The following PATJ variants were observed in gnomAD, a reference collection of about 807,000 sequenced individuals.
The protein encoded by PATJ is inaD-like protein.
In PATJ, 190 loss-of-function variants were observed where a neutral mutation model predicts 224.9. That is an observed-to-expected ratio of 0.84 (90% CI 0.75 to 0.95). PATJ has a LOEUF of 0.95. PATJ is among the 40% of genes least tolerant of loss of function. The pLI, the probability that PATJ is intolerant of heterozygous loss-of-function variation, is 0.00. For synonymous variants in PATJ, 769 were observed against 820.3 expected (o/e 0.94, Z 1.07); for missense variants, 2,121 against 2,270.3 (o/e 0.93, Z 1.34).
intron 7 of PATJ, among the ~76,000 whole-genome samples, chr1:61,776,184 C>T (rs1207547336): frequency 6.6e-6 from 1 of 152,228 alleles, no homozygotes; most frequent in African/African-American, 2.4e-5. Context: ...ATCATCATTT[C>T]AGCTCCTAAG....
At chr1:61,749,478 C>T (rs1306678247) in intron 1 of PATJ, among the ~76,000 whole-genome samples, 1 of 152,078 alleles carries the variant, frequency 6.6e-6, no homozygotes, top group Non-Finnish European at 1.5e-5. Context: ...AATCAACTGG[C>T]AAAAAGTTGA....
chr1:61,839,886 A>G (rs1433756717), intron 17 of PATJ, among the ~76,000 whole-genome samples: 7 of 151,988 alleles, frequency 4.6e-5, no homozygotes, highest in Admixed American at 4.6e-4. Flanking sequence ...TCTGAGAGAG[A>G]TAAAAATAGA....
chr1:61,950,058 G>A (rs1181489708), intron 27 of PATJ, among the ~76,000 whole-genome samples: 1 of 152,104 alleles, frequency 6.6e-6, no homozygotes, highest in East Asian at 1.9e-4. Context: ...CAAAACATTA[G>A]CTGGGTGTGG....
chr1:61,959,425 AT>A (rs377016305), intron 27 of PATJ, among the ~76,000 whole-genome samples: 20,894 of 61,044 alleles, frequency 0.34, 2,208 homozygotes, highest in Non-Finnish European at 0.43. Flanking sequence ...TATATAATAT[AT>A]TTTTTTTCTT....
In PATJ at chr1:62,018,061, C is replaced by A; in HGVS notation, c.3959+114C>A. ...GCGAAATCACTGTTCCTTCTAAAAA[C>A]ATATATTCCTTTTGTAACTGTCACT... On this transcript the variant is annotated intron_variant, in intron 29 of 43. Transcript: ENST00000642238. This position sits in a 1 kb window ranked among gnomAD's most constrained non-coding sequence, Gnocchi z 4.2. 1.7e-6 allele frequency: 1 copy of A among 591,342 alleles called. No individual in the cohort carries two copies. Among genetic ancestry groups the A allele is most frequent in the South Asian group, 2.5e-5 (1 of 40,456 alleles). The allele number at this position is 591,342 out of a possible 1,614,324, so 36.6% of individuals were successfully genotyped here. A position where few individuals can be genotyped will look rare whatever the true frequency, so the allele number is the denominator to read the frequency against.
At chr1:61,975,606 G>T (rs1644086108) in intron 27 of PATJ, among the ~76,000 whole-genome samples, 1 of 151,870 alleles carries the variant, frequency 6.6e-6, no homozygotes, top group South Asian at 2.1e-4. Context: ...CTCCTAAATG[G>T]TCAGCTTTCC....
intron 22 of PATJ, among the ~76,000 whole-genome samples, chr1:61,894,269 A>C (rs944581388): frequency 3.5e-5 from 5 of 142,296 alleles, no homozygotes; most frequent in South Asian, 2.3e-4. Context: ...AAAAAAAAAA[A>C]CACAAAAAAA....
At chr1:61,992,568 G>A (rs1363496088) in intron 28 of PATJ, among the ~76,000 whole-genome samples, 1 of 152,126 alleles carries the variant, frequency 6.6e-6, no homozygotes, top group East Asian at 1.9e-4. Flanking sequence ...TTGGTACATG[G>A]AAATACTCCA....
chr1:61,910,261 C>G (rs886491107), intron 25 of PATJ, among the ~76,000 whole-genome samples: 2 of 152,196 alleles, frequency 1.3e-5, no homozygotes, highest in African/African-American at 4.8e-5. Flanking sequence ...TCAATCCAAC[C>G]TTTGCTAGTG....
At chr1:61,901,095 TTTCA>T (rs1463506895) in intron 23 of PATJ, among the ~76,000 whole-genome samples, 183 bp from the exon 24 acceptor site, 1 of 152,248 alleles carries the variant, frequency 6.6e-6, no homozygotes, top group Non-Finnish European at 1.5e-5. Context: ...GAACTAAAAC[TTTCA>T]TTTGTTATGA....
Position 61,766,355 on chromosome 1 carries a change from C to A in PATJ, c.266C>A (p.Ser89Tyr). The A allele has an allele frequency of 1.2e-6, 2 of 1,611,000 alleles. No homozygotes were observed. The highest frequency in any genetic ancestry group is 1.7e-6 in the Non-Finnish European group (2 of 1,177,888). The change falls in exon 4 of 44, where the codon TCC (serine) becomes TAC (tyrosine). Residue 89 changes from serine to tyrosine, a missense_variant. Physicochemically the swap from Ser to Tyr is moderately radical, Grantham distance 144 (BLOSUM62 -2). Transcript: ENST00000642238. ...GGTTTGTTAGTGTTCACAGATGGTT[C>A]CATCACTAATGGAAATGTCCACAGG... ...RKGLLVFTDG[S>Y]ITNGNVHRPS...
chr1:62,044,546 A>G (rs1343749071), intron 30 of PATJ, among the ~76,000 whole-genome samples: 1 of 152,218 alleles, frequency 6.6e-6, no homozygotes. Context: ...GGGTTCCGAC[A>G]TACTTATTCC....
intron 6 of PATJ, among the ~76,000 whole-genome samples, chr1:61,771,975 G>A (rs1646639273): frequency 6.6e-6 from 1 of 152,062 alleles, no homozygotes; most frequent in African/African-American, 2.4e-5. Flanking sequence ...ACCTGCCTTG[G>A]CCTCTCAAAG....
At chr1:61,942,188 A>C (rs972055101) in intron 27 of PATJ, among the ~76,000 whole-genome samples, 5 of 152,204 alleles carry the variant, frequency 3.3e-5, no homozygotes, top group African/African-American at 1.2e-4. Flanking sequence ...AACTACTTTG[A>C]GAGAGGAGGT....
At chr1:61,943,739 G>C (rs1413184987) in intron 27 of PATJ, among the ~76,000 whole-genome samples, 1 of 152,156 alleles carries the variant, frequency 6.6e-6, no homozygotes. Context: ...GAGAGTAGTG[G>C]TTCTCCCACC....
rs950065199 is a variant in PATJ at position 62,071,229 on chromosome 1, G to A, written c.4126-8221G>A. 2.6e-5 allele frequency among the ~76,000 whole-genome samples: 4 copies of A among 152,264 alleles called. No individual in the cohort carries two copies. The East Asian group carries it at 5.8e-4, about 22-fold the overall frequency. ...GACTCTTAGCACCGTGGTTATGGGT[G>A]CATGTTCTGGGCTCTGCACTAGTCC... On this transcript the variant is annotated intron_variant, in intron 31 of 43. Transcript: ENST00000642238.
intron 31 of PATJ, among the ~76,000 whole-genome samples, chr1:62,055,925 C>T (rs1054890916): frequency 2.6e-5 from 4 of 152,110 alleles, no homozygotes; most frequent in African/African-American, 9.7e-5. Context: ...AGTGTGAAGA[C>T]CTGAGAACCA....
At chr1:62,144,161 G>A (rs1349121982) in intron 41 of PATJ, among the ~76,000 whole-genome samples, 8 of 152,092 alleles carry the variant, frequency 5.3e-5, no homozygotes, top group Non-Finnish European at 8.8e-5. Context: ...AATTCATTCC[G>A]TCATTCTTCA....
In PATJ at chr1:61,775,797, T is replaced by C. The variant is rs145281957; in HGVS notation, c.849+463T>C. Among the ~76,000 whole-genome samples the C allele has an allele frequency of 2.8e-3, 430 of 152,322 alleles. 3 individuals are homozygous for C. The highest frequency in any genetic ancestry group is 9.8e-3 in the African/African-American group (409 of 41,560). On this transcript the variant is annotated intron_variant, in intron 7 of 43. Coordinates refer to ENST00000642238, the MANE Select transcript of PATJ (RefSeq NM_001350145.3). ...ACTACCTTTCATTGTTTAGCAGTGT[T>C]TAAACTGAAAGTGGGCTATTAAAAA...
Sources: allele counts gnomAD v4.1 joint callset (sites outside exome capture counted in the v4.1 genomes callset), GRCh38; gene constraint gnomAD v4.1.1; non-coding constraint Gnocchi (gnomAD v3.1); transcripts MANE v1.5; gene names NCBI Gene and HGNC (gene_info 2026-07-23, HGNC 2026-07-21).